CALN1: variants seen among roughly 807,000 people sequenced by gnomAD.
CALN1 encodes calneuron 1.
Under a neutral mutation model 30.6 loss-of-function variants are expected in CALN1, and 17 were observed. The ratio of observed to expected loss-of-function variants is 0.56; its 90% CI spans 0.38 to 0.83. The LOEUF (loss-of-function observed/expected upper bound fraction) is 0.83, where lower values mean the gene tolerates loss of function less well. Ranked by LOEUF, CALN1 falls within the 40% of genes least tolerant of loss-of-function variation. The pLI is 0.00. For missense variants in CALN1, 291 were observed against 354.9 expected (o/e 0.82, Z 1.45); for synonymous variants, 156 against 131.4 (o/e 1.19, Z -1.28).
intron 3 of CALN1, among the ~76,000 whole-genome samples, chr7:72,221,310 TTC>T (rs1793273638): frequency 1.5e-5 from 2 of 135,166 alleles, no homozygotes; most frequent in Non-Finnish European, 1.6e-5. Flanking sequence ...AAGTCTTGGC[TTC>T]TTTTTTTTTT....
intron 3 of CALN1, among the ~76,000 whole-genome samples, chr7:72,124,762 A>G (rs547090696): frequency 2.6e-5 from 4 of 152,180 alleles, no homozygotes; most frequent in African/African-American, 9.6e-5. Context: ...ACATGAAGAT[A>G]AAGACAACCT....
rs192544747 is a variant in CALN1 at position 71,978,616 on chromosome 7, C to T, written c.501+45041G>A. ...GCCTTAGCACTGAGGGCAGGGGCAG[C>T]GCCAGCTGTGGCTCCAGGTGTTGTC... On this transcript the variant is annotated intron_variant, in intron 5 of 6. Coordinates refer to ENST00000395275, the MANE Select transcript of CALN1 (RefSeq NM_031468.4). Among the ~76,000 whole-genome samples, 505 of 152,220 alleles carry T rather than the reference C, an allele frequency of 3.3e-3. 2 individuals carry two copies. The highest frequency in any genetic ancestry group is 7.4e-3 in the Admixed American group (113 of 15,286).
At chr7:72,211,501 A>G (rs567382083) in intron 3 of CALN1, among the ~76,000 whole-genome samples, 169 of 152,268 alleles carry the variant, frequency 1.1e-3, no homozygotes, top group African/African-American at 3.7e-3. Context: ...TGGGCAAATG[A>G]ACTTACTCCT....
At chr7:71,984,042 A>T (rs984370515) in intron 5 of CALN1, among the ~76,000 whole-genome samples, 4 of 152,328 alleles carry the variant, frequency 2.6e-5, no homozygotes, top group African/African-American at 9.6e-5. Flanking sequence ...TAATCTAAAA[A>T]ATATATATAA....
At chr7:71,912,306 C>T (rs970217897) in intron 5 of CALN1, among the ~76,000 whole-genome samples, 3 of 152,054 alleles carry the variant, frequency 2.0e-5, no homozygotes, top group Non-Finnish European at 4.4e-5. Flanking sequence ...TCAGCAAATT[C>T]TCAGTGGTCC....
intron 3 of CALN1, among the ~76,000 whole-genome samples, chr7:72,147,849 CA>C (rs1462267710): frequency 6.9e-6 from 1 of 144,756 alleles, no homozygotes; most frequent in South Asian, 2.2e-4. Context: ...ATCGCAAGGA[CA>C]AAAAACCAAA....
At chr7:72,347,603 T>TCA (rs1416131552) in intron 2 of CALN1, among the ~76,000 whole-genome samples, 2 of 152,032 alleles carry the variant, frequency 1.3e-5, no homozygotes, top group South Asian at 2.1e-4. Context: ...CCCCTCTCCT[T>TCA]CACACACACA....
chr7:72,048,300 A>G (rs1274051757), intron 4 of CALN1, among the ~76,000 whole-genome samples: 3 of 152,094 alleles, frequency 2.0e-5, no homozygotes, highest in African/African-American at 7.2e-5. Context: ...CGGCCTCCAA[A>G]AATGCTGGGA....
intron 3 of CALN1, among the ~76,000 whole-genome samples, chr7:72,150,034 G>T (rs571362086): frequency 1.3e-5 from 2 of 150,808 alleles, no homozygotes. Context: ...GAGGGCAGGA[G>T]AATCAGTTGA....
intron 3 of CALN1, among the ~76,000 whole-genome samples, chr7:72,220,875 C>G (rs1173549651): frequency 6.6e-6 from 1 of 152,166 alleles, no homozygotes; most frequent in Non-Finnish European, 1.5e-5. Context: ...CCTTCGCCCA[C>G]TTTTTGATGG....
At chr7:72,453,334 C>A in the CALN1 span, among the ~76,000 whole-genome samples, 1 of 152,198 alleles carries the variant, frequency 6.6e-6, no homozygotes, top group African/African-American at 2.4e-5. Flanking sequence ...GGCAGTGCTG[C>A]AGTCATATTT....
At chr7:72,311,768 A>C (rs1270191362) in intron 2 of CALN1, among the ~76,000 whole-genome samples, 1 of 143,614 alleles carries the variant, frequency 7.0e-6, no homozygotes, top group African/African-American at 2.6e-5. Flanking sequence ...AACTGCTGAG[A>C]TTACAGGCGT....
intron 2 of CALN1, chr7:72,337,442 G>A (rs1802144636): frequency 5.8e-6 from 1 of 171,850 alleles, no homozygotes; most frequent in Non-Finnish European, 1.1e-5. Flanking sequence ...ACACACACAC[G>A]CATGCACATG....
intron 1 of CALN1, among the ~76,000 whole-genome samples, chr7:72,408,553 C>T (rs951222360): frequency 1.6e-3 from 239 of 152,018 alleles, no homozygotes; most frequent in African/African-American, 5.4e-3. Context: ...CCAACAAGGC[C>T]CTGGTCATCA....
At chr7:72,050,942 C>T (rs934844466) in intron 4 of CALN1, among the ~76,000 whole-genome samples, 1 of 151,512 alleles carries the variant, frequency 6.6e-6, no homozygotes, top group African/African-American at 2.4e-5. Flanking sequence ...CAGCGAGCCA[C>T]GGTTGTGCCA....
intron 4 of CALN1, among the ~76,000 whole-genome samples, chr7:72,091,266 G>A (rs1294393891): frequency 2.0e-5 from 3 of 152,160 alleles, no homozygotes; most frequent in African/African-American, 4.8e-5. Context: ...GGTAGGCAAA[G>A]GTAGCAGTGA....
chr7:72,249,886 A>C (rs6962083), intron 3 of CALN1, among the ~76,000 whole-genome samples: 1 of 149,348 alleles, frequency 6.7e-6, no homozygotes, highest in Non-Finnish European at 1.5e-5. Flanking sequence ...GCAGTGAGCC[A>C]AGATCACACC....
the CALN1 span, among the ~76,000 whole-genome samples, chr7:72,492,121 A>G: frequency 6.6e-6 from 1 of 152,206 alleles, no homozygotes; most frequent in South Asian, 2.1e-4. Flanking sequence ...ACTACTGCAA[A>G]CAACAGAGGT....
At chr7:71,962,769 C>T (rs1797312654) in intron 5 of CALN1, among the ~76,000 whole-genome samples, 1 of 152,184 alleles carries the variant, frequency 6.6e-6, no homozygotes, top group African/African-American at 2.4e-5. Context: ...CAGTATGTCA[C>T]AGCAAATGTG....
Sources: gnomAD v4.1 joint callset for allele counts (sites outside exome capture counted in the v4.1 genomes callset) on GRCh38, gnomAD v4.1.1 for gene constraint, MANE v1.5 for transcripts, NCBI Gene and HGNC (gene_info 2026-07-23, HGNC 2026-07-21) for gene names.